GLCE: variants seen among roughly 807,000 people sequenced by gnomAD.
GLCE encodes D-glucuronyl C5-epimerase.
In GLCE, 19 loss-of-function variants were observed where a neutral mutation model predicts 47.9. The observed-to-expected ratio is 0.40, with a 90% CI of 0.28 to 0.58. The LOEUF (loss-of-function observed/expected upper bound fraction) is 0.58. Among genes scored for constraint, GLCE ranks in the 20% least tolerant of loss-of-function variants. GLCE has a pLI of 0.48. For missense variants in GLCE, 556 were observed against 743.3 expected (o/e 0.75, Z 2.93); for synonymous variants, 245 against 263.4 (o/e 0.93, Z 0.68).
chr15:69,191,240 C>T (rs2051908925), intron 1 of GLCE, among the ~76,000 whole-genome samples: 2 of 152,100 alleles, frequency 1.3e-5, no homozygotes, highest in African/African-American at 4.8e-5. Context: ...TGCAGTTCTA[C>T]TGGTGACAGA....
At chr15:69,226,733 CTTTTTTTTT>C (rs61212919) in intron 2 of GLCE, among the ~76,000 whole-genome samples, 11 of 42,864 alleles carry the variant, frequency 2.6e-4, no homozygotes, top group South Asian at 2.6e-3. Context: ...GCTTGCTTGC[CTTTTTTTTT>C]TTTTTTTTTT....
intron 1 of GLCE, among the ~76,000 whole-genome samples, chr15:69,174,289 T>C (rs2051628536): frequency 6.6e-6 from 1 of 152,222 alleles, no homozygotes; most frequent in Admixed American, 6.5e-5. Flanking sequence ...TTCAAATGCT[T>C]GTGGTTTCTC....
intron 2 of GLCE, among the ~76,000 whole-genome samples, chr15:69,252,683 G>A (rs1348951038): frequency 1.3e-5 from 2 of 151,938 alleles, no homozygotes; most frequent in African/African-American, 4.8e-5. Context: ...AGGATAAAAA[G>A]CTTTATATTT....
chr15:69,181,450 A>G (rs1366715427), intron 1 of GLCE, among the ~76,000 whole-genome samples: 2 of 152,200 alleles, frequency 1.3e-5, no homozygotes, highest in Non-Finnish European at 2.9e-5. Context: ...AGAAGGAGAA[A>G]TCACTGAGGC....
intron 4 of GLCE, among the ~76,000 whole-genome samples, chr15:69,262,986 A>G (rs1212200029): frequency 1.3e-5 from 2 of 152,186 alleles, no homozygotes; most frequent in African/African-American, 4.8e-5. Flanking sequence ...TTTATATTTC[A>G]TATGCTATAC....
chr15:69,202,328 C>G (rs1255083719), intron 1 of GLCE, among the ~76,000 whole-genome samples: 1 of 151,946 alleles, frequency 6.6e-6, no homozygotes, highest in African/African-American at 2.4e-5. Context: ...ACTGCCAACT[C>G]AGAAGCAAAT....
At chr15:69,225,071 T>C (rs1383583691) in intron 2 of GLCE, among the ~76,000 whole-genome samples, 2 of 152,232 alleles carry the variant, frequency 1.3e-5, no homozygotes, top group Non-Finnish European at 2.9e-5. Flanking sequence ...GGTGGTTCTA[T>C]GGCTTATGGT....
At chr15:69,218,692 A>G (rs1205648234) in intron 2 of GLCE, among the ~76,000 whole-genome samples, 1 of 152,208 alleles carries the variant, frequency 6.6e-6, no homozygotes, top group Admixed American at 6.5e-5. Context: ...TGTGTTATAC[A>G]AGAGAACTGT....
At chr15:69,209,026 C>T (rs1161222740) in intron 1 of GLCE, among the ~76,000 whole-genome samples, 1 of 152,014 alleles carries the variant, frequency 6.6e-6, no homozygotes, top group Non-Finnish European at 1.5e-5. Flanking sequence ...AGTTCACTGA[C>T]TTTTTCTTCT....
At chr15:69,231,445 G>A (rs1162434163) in intron 2 of GLCE, among the ~76,000 whole-genome samples, 2 of 151,514 alleles carry the variant, frequency 1.3e-5, no homozygotes, top group Admixed American at 6.6e-5. Flanking sequence ...CACCATGCCC[G>A]GCTAATTTTT....
At chr15:69,168,063 C>T (rs1299351999) in intron 1 of GLCE, among the ~76,000 whole-genome samples, 1 of 152,058 alleles carries the variant, frequency 6.6e-6, no homozygotes, top group Non-Finnish European at 1.5e-5. Flanking sequence ...ATCCTTCTTG[C>T]CTGCTTTGTT....
At chr15:69,213,770 G>T (rs1258958730) in intron 2 of GLCE, among the ~76,000 whole-genome samples, 1 of 152,054 alleles carries the variant, frequency 6.6e-6, no homozygotes, top group Non-Finnish European at 1.5e-5. Flanking sequence ...TGGTGTTTTA[G>T]TGGTGATTTT....
intron 2 of GLCE, among the ~76,000 whole-genome samples, chr15:69,226,418 A>T (rs564041604): frequency 6.6e-6 from 1 of 152,204 alleles, no homozygotes; most frequent in African/African-American, 2.4e-5. Context: ...TGTCTGTCCT[A>T]CAAGTGTACA....
chr15:69,251,774 C>T lies in GLCE; in HGVS notation c.-13-4020C>T, dbSNP rs369008563. On this transcript the variant is annotated intron_variant, in intron 2 of 4. Transcript: ENST00000261858. ...TCGTTGTGTTTCAGTCTACTTCACT[C>T]ATAATTCTTACAAATTTGACTAATA... Among the ~76,000 whole-genome samples, 279 of 152,254 alleles carry T rather than the reference C, an allele frequency of 1.8e-3. 1 individual carries two copies. Among genetic ancestry groups the T allele is most frequent in the African/African-American group, 6.5e-3 (272 of 41,542 alleles).
intron 1 of GLCE, among the ~76,000 whole-genome samples, chr15:69,177,759 C>A (rs545100582): frequency 1.3e-5 from 2 of 150,038 alleles, no homozygotes; most frequent in East Asian, 3.9e-4. Flanking sequence ...TCATGCCCCT[C>A]CACACTCCAC....
At chr15:69,162,712 A>G (rs1026517325) in intron 1 of GLCE, among the ~76,000 whole-genome samples, 11 of 152,148 alleles carry the variant, frequency 7.2e-5, no homozygotes, top group Admixed American at 7.2e-4. Flanking sequence ...AGCTGGAACT[A>G]CATGCATGTG....
intron 2 of GLCE, among the ~76,000 whole-genome samples, chr15:69,228,527 T>A (rs1256762937): frequency 1.3e-5 from 2 of 151,752 alleles, no homozygotes; most frequent in East Asian, 3.9e-4. Flanking sequence ...CTTGATAAAA[T>A]CAAAAGAAGG....
intron 1 of GLCE, among the ~76,000 whole-genome samples, chr15:69,161,640 CCTT>C (rs905828159): frequency 1.2e-3 from 177 of 152,300 alleles, no homozygotes; most frequent in African/African-American, 4.0e-3. Flanking sequence ...GTTCAGGTCT[CCTT>C]CTCTCTGGAT....
At chr15:69,264,060 A>G (rs1390667858) in intron 4 of GLCE, among the ~76,000 whole-genome samples, 1 of 152,146 alleles carries the variant, frequency 6.6e-6, no homozygotes, top group Non-Finnish European at 1.5e-5. Context: ...TCAGGCATAC[A>G]ATACAGTATT....
Sources: allele counts gnomAD v4.1 joint callset (sites outside exome capture counted in the v4.1 genomes callset), GRCh38; gene constraint gnomAD v4.1.1; transcripts MANE v1.5; gene names NCBI Gene and HGNC (gene_info 2026-07-23, HGNC 2026-07-21).